The following RIMS2 variants were observed in gnomAD, a reference collection of about 807,000 sequenced individuals.
RIMS2 encodes regulating synaptic membrane exocytosis protein 2.
In RIMS2, 59 loss-of-function variants were observed where a neutral mutation model predicts 174.4. The ratio of observed to expected loss-of-function variants is 0.34; its 90% CI spans 0.27 to 0.42. RIMS2 has a LOEUF of 0.42. Ranked by LOEUF, RIMS2 falls within the 10% of genes least tolerant of loss-of-function variation. The probability of loss-of-function intolerance (pLI) is 1.00; values close to 1 mark genes in which losing one functional copy is unlikely to be tolerated. For missense variants in RIMS2, 1,620 were observed against 1,666.3 expected, an observed-to-expected ratio of 0.97 and a Z score of 0.48; for synonymous variants, 606 against 572.5, an observed-to-expected ratio of 1.06 and a Z score of -0.84.
chr8:103,959,882 A>G (rs1442137233), intron 14 of RIMS2, among the ~76,000 whole-genome samples: 1 of 152,212 alleles, frequency 6.6e-6, no homozygotes, highest in East Asian at 1.9e-4. Flanking sequence ...ATAGCACTAA[A>G]TGCCCACAAG....
At chr8:103,726,479 C>T (rs997095654) in intron 2 of RIMS2, among the ~76,000 whole-genome samples, 2 of 151,844 alleles carry the variant, frequency 1.3e-5, no homozygotes, top group African/African-American at 4.8e-5. Context: ...CAAGGATATT[C>T]CCTTGCTATA....
At chr8:103,531,219 C>T (rs1429010160) in intron 1 of RIMS2, among the ~76,000 whole-genome samples, 2 of 152,008 alleles carry the variant, frequency 1.3e-5, no homozygotes, top group Admixed American at 6.6e-5. Flanking sequence ...CATACATATT[C>T]TTTTCAAGGA....
At chr8:103,880,586 C>A (rs2099162447) in intron 3 of RIMS2, 1 of 436,472 alleles carries the variant, frequency 2.3e-6, no homozygotes, top group South Asian at 5.5e-5. Context: ...TATGATTTTG[C>A]CAGGGCTAGA....
chr8:103,748,613 T>C (rs2097849391), intron 2 of RIMS2, among the ~76,000 whole-genome samples: 1 of 152,166 alleles, frequency 6.6e-6, no homozygotes, highest in Non-Finnish European at 1.5e-5. Context: ...ATTTCATTAC[T>C]ATTTCACCAT....
At chr8:103,985,702 C>T (rs772404272) in intron 16 of RIMS2, among the ~76,000 whole-genome samples, 1 of 151,904 alleles carries the variant, frequency 6.6e-6, no homozygotes, top group Admixed American at 6.6e-5. Context: ...TTAGCCACAA[C>T]AGAATTGATA....
chr8:104,059,353 T>C (rs1241409499), intron 19 of RIMS2, among the ~76,000 whole-genome samples: 1 of 150,654 alleles, frequency 6.6e-6, no homozygotes, highest in African/African-American at 2.5e-5. Context: ...AGTTCACTCA[T>C]GATTTGGCTC....
At chr8:104,151,907 A>G (rs2098692262) in intron 19 of RIMS2, among the ~76,000 whole-genome samples, 1 of 152,176 alleles carries the variant, frequency 6.6e-6, no homozygotes, top group Non-Finnish European at 1.5e-5. Flanking sequence ...AGAAGGAACA[A>G]TCACAAAGAA....
chr8:104,053,549 G>T (rs2096823247), intron 19 of RIMS2, among the ~76,000 whole-genome samples: 1 of 152,106 alleles, frequency 6.6e-6, no homozygotes, highest in African/African-American at 2.4e-5. Flanking sequence ...TTTTTATTGT[G>T]CATTTTCTCA....
At chr8:104,168,219 A>G (rs939384698) in intron 19 of RIMS2, among the ~76,000 whole-genome samples, 4 of 151,982 alleles carry the variant, frequency 2.6e-5, no homozygotes, top group Admixed American at 6.6e-5. Flanking sequence ...TGTTATTTTG[A>G]TGAGAATTGC....
chr8:103,776,982 A>T (rs2098325454), intron 3 of RIMS2, among the ~76,000 whole-genome samples: 1 of 152,144 alleles, frequency 6.6e-6, no homozygotes, highest in Non-Finnish European at 1.5e-5. Flanking sequence ...GTAAGTGTTG[A>T]CATTTTAAAA....
intron 1 of RIMS2, among the ~76,000 whole-genome samples, chr8:103,521,330 G>A (rs1189870374): frequency 1.3e-5 from 2 of 151,650 alleles, no homozygotes; most frequent in African/African-American, 4.8e-5. Flanking sequence ...AATGAAAAAA[G>A]TGTGTAACCT....
intron 3 of RIMS2, among the ~76,000 whole-genome samples, chr8:103,833,665 A>G (rs879544956): frequency 6.6e-6 from 1 of 151,998 alleles, no homozygotes; most frequent in Non-Finnish European, 1.5e-5. Flanking sequence ...TTAATTTCCA[A>G]TATTTTATAT....
At chr8:103,516,671 A>T (rs1291091068) in intron 1 of RIMS2, among the ~76,000 whole-genome samples, 1 of 152,174 alleles carries the variant, frequency 6.6e-6, no homozygotes, top group South Asian at 2.1e-4. Context: ...ATTCCTACAT[A>T]CTTTATGTGC....
intron 3 of RIMS2, among the ~76,000 whole-genome samples, chr8:103,814,311 T>C (rs550815160): frequency 6.7e-6 from 1 of 150,182 alleles, no homozygotes; most frequent in African/African-American, 2.5e-5. Flanking sequence ...ATGCGTGATA[T>C]CTGGATGATG....
intron 22 of RIMS2, among the ~76,000 whole-genome samples, chr8:104,249,991 A>G (rs1231864949): frequency 6.6e-6 from 1 of 152,234 alleles, no homozygotes; most frequent in Non-Finnish European, 1.5e-5. Context: ...TAAAAAATAG[A>G]TACAGGCTCC....
intron 19 of RIMS2, among the ~76,000 whole-genome samples, chr8:104,103,937 G>A (rs925112156): frequency 6.6e-6 from 1 of 152,140 alleles, no homozygotes. Context: ...TTTGAGGCTA[G>A]GTAACATACA....
chr8:103,744,023 G>C (rs1276030941), intron 2 of RIMS2, among the ~76,000 whole-genome samples: 1 of 152,034 alleles, frequency 6.6e-6, no homozygotes, highest in Non-Finnish European at 1.5e-5. Flanking sequence ...ATGTTTCCTA[G>C]TTGTGTAGGA....
At position 103,723,325 on chromosome 8, in the gene RIMS2, G is replaced by A. The variant is rs142156446; in HGVS notation, c.387+26029G>A. 1.5e-3 allele frequency among the ~76,000 whole-genome samples: 232 copies of A among 152,294 alleles called. 1 individual carries two copies. Among genetic ancestry groups the A allele is most frequent in the African/African-American group, 5.3e-3 (219 of 41,566 alleles). On this transcript the variant is annotated intron_variant, in intron 2 of 23. Transcript: ENST00000504942. ...GGTGTGGGCACATTTGAAGAAGTAA[G>A]CTCTTCTTGTTCTCTTTACAAACTG...
At chr8:103,897,489 C>T (rs553327075) in intron 4 of RIMS2, among the ~76,000 whole-genome samples, 1 of 151,728 alleles carries the variant, frequency 6.6e-6, no homozygotes, top group Non-Finnish European at 1.5e-5. Context: ...GTCTGCGTTA[C>T]CTTCATATGC....
Sources: allele counts gnomAD v4.1 joint callset (sites outside exome capture counted in the v4.1 genomes callset), GRCh38; gene constraint gnomAD v4.1.1; transcripts MANE v1.5; gene names NCBI Gene and HGNC (gene_info 2026-07-23, HGNC 2026-07-21).